The following XNDC1N variants were observed in gnomAD, a reference collection of about 807,000 sequenced individuals.
The protein encoded by XNDC1N is XRCC1 N-terminal domain containing 1, N-terminal like.
chr11:71,867,450 T>C, the XNDC1N span, among the ~76,000 whole-genome samples: 1 of 152,080 alleles, frequency 6.6e-6, no homozygotes, highest in Non-Finnish European at 1.5e-5. Context: ...TCACCAGTCA[T>C]AGTCCTGGCC....
the XNDC1N span, among the ~76,000 whole-genome samples, chr11:71,906,770 G>A: frequency 6.6e-6 from 1 of 152,138 alleles, no homozygotes; most frequent in Non-Finnish European, 1.5e-5. Context: ...GACGTTAGGA[G>A]TCACATCCCA....
At chr11:71,912,673 GC>G in the XNDC1N span, among the ~76,000 whole-genome samples, 1 of 152,022 alleles carries the variant, frequency 6.6e-6, no homozygotes, top group Non-Finnish European at 1.5e-5. Flanking sequence ...AATATCGTAG[GC>G]GTGGGGGATG....
chr11:71,925,609 A>G, the XNDC1N span, among the ~76,000 whole-genome samples: 142,243 of 152,244 alleles, frequency 0.93, 66,654 homozygotes, highest in Non-Finnish European at 0.98. Context: ...GCTAGATTTT[A>G]GAGATATAAA....
chr11:71,879,115 A>T, the XNDC1N span, among the ~76,000 whole-genome samples: 2 of 152,324 alleles, frequency 1.3e-5, no homozygotes, highest in East Asian at 3.9e-4. Flanking sequence ...TGAAAAGCGA[A>T]TGAAGACTAG....
the XNDC1N span, among the ~76,000 whole-genome samples, chr11:71,871,564 G>T: frequency 6.6e-6 from 1 of 152,106 alleles, no homozygotes; most frequent in African/African-American, 2.4e-5. Flanking sequence ...TAGGTGATTG[G>T]TGTGTGAATT....
At chr11:71,870,210 C>T in the XNDC1N span, among the ~76,000 whole-genome samples, 1 of 152,184 alleles carries the variant, frequency 6.6e-6, no homozygotes, top group Non-Finnish European at 1.5e-5. Flanking sequence ...TGGGTGGGGA[C>T]ACAGAGCCAA....
the XNDC1N span, among the ~76,000 whole-genome samples, chr11:71,872,099 A>T: frequency 6.6e-6 from 1 of 152,240 alleles, no homozygotes; most frequent in African/African-American, 2.4e-5. Flanking sequence ...AAGAACAAAT[A>T]CTAATAGATG....
At chr11:71,900,682 G>T in the XNDC1N span, among the ~76,000 whole-genome samples, 5 of 152,292 alleles carry the variant, frequency 3.3e-5, no homozygotes, top group South Asian at 8.3e-4. Context: ...GGATAAAGAG[G>T]ATGATGACAG....
the XNDC1N span, among the ~76,000 whole-genome samples, chr11:71,885,060 G>A: frequency 6.6e-6 from 1 of 152,122 alleles, no homozygotes; most frequent in Non-Finnish European, 1.5e-5. Context: ...ATCATCTCCC[G>A]CTCTGGAGAT....
chr11:71,912,972 A>G, the XNDC1N span, among the ~76,000 whole-genome samples: 1 of 152,088 alleles, frequency 6.6e-6, no homozygotes, highest in Admixed American at 6.5e-5. Flanking sequence ...ATTGGGAGTG[A>G]AATTTTCCTC....
the XNDC1N span, among the ~76,000 whole-genome samples, chr11:71,878,017 C>T: frequency 1.3e-5 from 2 of 152,178 alleles, no homozygotes; most frequent in Non-Finnish European, 2.9e-5. Context: ...AATTCCATTG[C>T]TTAAGCATGC....
the XNDC1N span, among the ~76,000 whole-genome samples, chr11:71,904,916 A>G: frequency 6.6e-6 from 1 of 152,060 alleles, no homozygotes; most frequent in African/African-American, 2.4e-5. Flanking sequence ...ACATACCCCT[A>G]GGACATTACG....
At chr11:71,920,030 T>C in the XNDC1N span, among the ~76,000 whole-genome samples, 1 of 111,474 alleles carries the variant, frequency 9.0e-6, no homozygotes, top group African/African-American at 3.5e-5. Flanking sequence ...CAATCTCGGC[T>C]CACCGAAAGC....
the XNDC1N span, among the ~76,000 whole-genome samples, chr11:71,921,192 TTACCTAGGGTATAGTGCAGTC>T: frequency 1.2e-4 from 18 of 151,982 alleles, no homozygotes; most frequent in Non-Finnish European, 2.4e-4. Flanking sequence ...GTCTTGCTCA[TTACCTAGGGTATAGTGCAGTC>T]GCATAATCAC....
At chr11:71,897,378 A>C in the XNDC1N span, among the ~76,000 whole-genome samples, 37 of 152,352 alleles carry the variant, frequency 2.4e-4, no homozygotes, top group South Asian at 7.5e-3. Context: ...CTAGAACTAA[A>C]CAACAAGAAA....
the XNDC1N span, among the ~76,000 whole-genome samples, chr11:71,915,502 T>C: frequency 1.3e-5 from 2 of 151,708 alleles, no homozygotes; most frequent in African/African-American, 4.8e-5. Context: ...CAGAAAATTG[T>C]TGGCTTATAT....
At chr11:71,916,260 A>G in the XNDC1N span, 1 of 702,238 alleles carries the variant, frequency 1.4e-6, no homozygotes, top group South Asian at 1.5e-5. Flanking sequence ...CAACTCAAGG[A>G]AAAAAGAGAA....
At chr11:71,911,669 C>T in the XNDC1N span, among the ~76,000 whole-genome samples, 6 of 151,924 alleles carry the variant, frequency 3.9e-5, no homozygotes, top group South Asian at 4.2e-4. Flanking sequence ...GTGCATGGAG[C>T]GTGATAGAAA....
At chr11:71,886,447 A>G in the XNDC1N span, among the ~76,000 whole-genome samples, 4 of 152,122 alleles carry the variant, frequency 2.6e-5, no homozygotes, top group Non-Finnish European at 5.9e-5. Context: ...CATGAAAGAG[A>G]GGATATGCAA....
Sources: gnomAD v4.1 joint callset for allele counts (sites outside exome capture counted in the v4.1 genomes callset) on GRCh38, gnomAD v4.1.1 for gene constraint, MANE v1.5 for transcripts, NCBI Gene and HGNC (gene_info 2026-07-23, HGNC 2026-07-21) for gene names.